NLGN1: variants seen among roughly 807,000 people sequenced by gnomAD.
The protein encoded by NLGN1 is neuroligin 1.
A neutral mutation model predicts 65.5 loss-of-function variants in NLGN1; 12 were observed. The ratio of observed to expected loss-of-function variants is 0.18; its 90% CI spans 0.12 to 0.30. The LOEUF is 0.30. Among genes scored for constraint, NLGN1 ranks in the 10% least tolerant of loss-of-function variants. The probability of loss-of-function intolerance (pLI) is 1.00; values close to 1 mark genes in which losing one functional copy is unlikely to be tolerated. For synonymous variants in NLGN1, 350 were observed against 359.5 expected (o/e 0.97, Z 0.30); for missense variants, 750 against 1,007.1 (o/e 0.74, Z 3.46).
chr3:173,775,496 G>A (rs1780176968), intron 3 of NLGN1, among the ~76,000 whole-genome samples: 1 of 151,846 alleles, frequency 6.6e-6, no homozygotes, highest in Non-Finnish European at 1.5e-5. Flanking sequence ...CATACGATTG[G>A]GATCATGCCT....
chr3:173,889,754 G>A (rs760966301), intron 4 of NLGN1, among the ~76,000 whole-genome samples: 1 of 151,724 alleles, frequency 6.6e-6, no homozygotes, highest in Non-Finnish European at 1.5e-5. Flanking sequence ...TAGTTGTACC[G>A]GTTGAGAAAG....
intron 3 of NLGN1, among the ~76,000 whole-genome samples, chr3:173,728,426 C>T (rs988341569): frequency 6.6e-5 from 10 of 152,076 alleles, no homozygotes; most frequent in African/African-American, 2.4e-4. Context: ...CTCCTTTATA[C>T]TCCATTGTGT....
chr3:174,163,831 C>T (rs1727023547), intron 4 of NLGN1, among the ~76,000 whole-genome samples: 1 of 152,024 alleles, frequency 6.6e-6, no homozygotes, highest in Non-Finnish European at 1.5e-5. Context: ...TCCAGTCCAC[C>T]ATTGATGGGC....
chr3:173,832,044 A>G (rs1232565704), intron 4 of NLGN1, among the ~76,000 whole-genome samples: 1 of 151,352 alleles, frequency 6.6e-6, no homozygotes, highest in African/African-American at 2.4e-5. Flanking sequence ...TGCAGCCTCA[A>G]CCTCCCAGGC....
chr3:173,530,584 A>G (rs1189218410), intron 2 of NLGN1, among the ~76,000 whole-genome samples: 8 of 152,158 alleles, frequency 5.3e-5, no homozygotes, highest in African/African-American at 1.9e-4. Context: ...AATTTTCATC[A>G]TATTTACTTA....
chr3:173,754,442 TTCTC>T (rs1428996211), intron 3 of NLGN1, among the ~76,000 whole-genome samples: 1 of 152,148 alleles, frequency 6.6e-6, no homozygotes, highest in Non-Finnish European at 1.5e-5. Flanking sequence ...TCATTCTTCT[TTCTC>T]TGTTTCATAT....
chr3:174,103,573 G>T (rs748004832), intron 4 of NLGN1, among the ~76,000 whole-genome samples: 1 of 151,932 alleles, frequency 6.6e-6, no homozygotes, highest in Non-Finnish European at 1.5e-5. Context: ...GTATTAATAT[G>T]CCATTATAAT....
chr3:173,750,449 A>G (rs879467194), intron 3 of NLGN1, among the ~76,000 whole-genome samples: 1 of 152,090 alleles, frequency 6.6e-6, no homozygotes, highest in African/African-American at 2.4e-5. Flanking sequence ...GAGCTAAGAT[A>G]GAAAACTCAT....
At chr3:173,464,552 T>G (rs1462279707) in intron 2 of NLGN1, among the ~76,000 whole-genome samples, 1 of 151,594 alleles carries the variant, frequency 6.6e-6, no homozygotes, top group Non-Finnish European at 1.5e-5. Context: ...TCTCCTGCCT[T>G]GGCCTCCCAA....
intron 3 of NLGN1, among the ~76,000 whole-genome samples, chr3:173,618,912 G>C (rs924145705): frequency 6.6e-6 from 1 of 152,142 alleles, no homozygotes; most frequent in Non-Finnish European, 1.5e-5. Flanking sequence ...AGAGAAGAGG[G>C]TGTTGGATTT....
At chr3:173,808,130 T>C (rs1717063723) in intron 4 of NLGN1, among the ~76,000 whole-genome samples, 1 of 152,154 alleles carries the variant, frequency 6.6e-6, no homozygotes, top group African/African-American at 2.4e-5. Context: ...AAATATTTCC[T>C]TCTTCTGCTT....
intron 4 of NLGN1, chr3:173,912,747 AAAT>A (rs1319272745): frequency 3.3e-5 from 5 of 152,172 alleles, no homozygotes; most frequent in Admixed American, 3.3e-4. Flanking sequence ...GATATAATAA[AAAT>A]AATACTATTA....
chr3:174,089,003 T>G (rs1392707613), intron 4 of NLGN1, among the ~76,000 whole-genome samples: 1 of 151,984 alleles, frequency 6.6e-6, no homozygotes, highest in Non-Finnish European at 1.5e-5. Flanking sequence ...CAATAGCTTT[T>G]AAAATCCTAA....
intron 4 of NLGN1, among the ~76,000 whole-genome samples, chr3:174,111,984 G>A (rs1715332913): frequency 6.6e-6 from 1 of 151,840 alleles, no homozygotes; most frequent in Non-Finnish European, 1.5e-5. Flanking sequence ...TGGAACTTCT[G>A]TTCTAAGAGA....
intron 4 of NLGN1, among the ~76,000 whole-genome samples, chr3:173,829,666 A>C (rs1256460359): frequency 6.6e-6 from 1 of 152,148 alleles, no homozygotes; most frequent in Non-Finnish European, 1.5e-5. Flanking sequence ...TCACTATACT[A>C]TACATTAGAT....
chr3:173,806,935 A>G (rs1716795705), intron 3 of NLGN1, among the ~76,000 whole-genome samples: 1 of 152,190 alleles, frequency 6.6e-6, no homozygotes. Context: ...GAAGAAGAGT[A>G]TATTAGCCAC....
intron 2 of NLGN1, among the ~76,000 whole-genome samples, chr3:173,542,545 A>T (rs1739070404): frequency 6.6e-6 from 1 of 152,082 alleles, no homozygotes; most frequent in African/African-American, 2.4e-5. Context: ...GTAAACAGGC[A>T]AGAAGCTAAC....
chr3:173,924,466 A>G (rs1369213672), intron 4 of NLGN1, among the ~76,000 whole-genome samples: 1 of 151,982 alleles, frequency 6.6e-6, no homozygotes, highest in Non-Finnish European at 1.5e-5. Context: ...TAGGTCTTAA[A>G]TTGATGTGGC....
intron 3 of NLGN1, among the ~76,000 whole-genome samples, chr3:173,695,939 G>A (rs563649749): frequency 1.3e-5 from 2 of 152,250 alleles, no homozygotes; most frequent in East Asian, 1.9e-4. Context: ...AGCCTCCTGA[G>A]TAGCTGAGAC....
Sources: allele counts gnomAD v4.1 joint callset (sites outside exome capture counted in the v4.1 genomes callset), GRCh38; gene constraint gnomAD v4.1.1; transcripts MANE v1.5; gene names NCBI Gene and HGNC (gene_info 2026-07-23, HGNC 2026-07-21).